UGGT2: variants seen among roughly 807,000 people sequenced by gnomAD.
UGGT2 encodes the protein UDP-glucose:glycoprotein glucosyltransferase 2.
A neutral mutation model predicts 192.1 loss-of-function variants in UGGT2; 180 were observed. That is an observed-to-expected ratio of 0.94 (90% confidence interval 0.83 to 1.06). UGGT2 has a LOEUF of 1.06. UGGT2 is among the 50% of genes least tolerant of loss of function. The pLI is 0.00. For missense variants in UGGT2, 1,849 were observed against 1,795.7 expected, an observed-to-expected ratio of 1.03 and a Z score of -0.54; for synonymous variants, 580 against 591.0, an observed-to-expected ratio of 0.98 and a Z score of 0.27.
chr13:96,001,727 T>C (rs1205655794), intron 5 of UGGT2, among the ~76,000 whole-genome samples: 1 of 152,184 alleles, frequency 6.6e-6, no homozygotes, highest in Non-Finnish European at 1.5e-5. Context: ...AAGAAACAGA[T>C]ATTTTATAGA....
chr13:95,858,431 C>T (rs1295148987), intron 33 of UGGT2, among the ~76,000 whole-genome samples: 5 of 152,004 alleles, frequency 3.3e-5, no homozygotes, highest in Admixed American at 2.6e-4. Flanking sequence ...TCATGCAGGC[C>T]GTTAGCCAAG....
In UGGT2 at chr13:96,031,901, A is replaced by G. The variant is rs779986676; in HGVS notation, c.229T>C (p.Tyr77His). ...FLETVQELAIYKQTESDYSYY... is the reference protein window; with the variant it reads ...FLETVQELAIHKQTESDYSYY... ...ACATATCACCTACCTGTTTGCTTAT[A>G]AATTGCTAATTCTTGCACAGTTTCC... is the stretch of plus-strand genomic sequence containing the variant. The change falls in exon 2 of 39, where the codon TAT becomes CAT. Residue 77 changes from tyrosine to histidine, a missense_variant. Physicochemically the swap from Tyr to His is moderately conservative, Grantham distance 83. Coordinates refer to ENST00000376747, the MANE Select transcript of UGGT2 (RefSeq NM_020121.4). The G allele has an allele frequency of 1.4e-5, 22 of 1,609,752 alleles. No individual in the cohort carries two copies. The highest frequency in any genetic ancestry group is 1.8e-5 in the Non-Finnish European group (21 of 1,178,058).
intron 38 of UGGT2, 151 bp downstream of exon 38, chr13:95,832,776 T>C (rs920943495): frequency 3.4e-5 from 39 of 1,150,826 alleles, no homozygotes; most frequent in Non-Finnish European, 4.7e-5. Context: ...AAGCTTAGTC[T>C]ACACAAAAAT....
intron 4 of UGGT2, among the ~76,000 whole-genome samples, chr13:96,015,770 A>C (rs182819019): frequency 3.1e-4 from 47 of 152,348 alleles, no homozygotes; most frequent in Middle Eastern, 6.8e-3. Context: ...AAATTTAAGA[A>C]AATAACCAAG....
At chr13:95,926,974 C>G (rs2140436526) in intron 19 of UGGT2, 54 bp downstream of exon 19, 1 of 1,467,436 alleles carries the variant, frequency 6.8e-7, no homozygotes. Flanking sequence ...GCCTTATGAA[C>G]ATTACAAGTT....
Position 95,860,810 on chromosome 13 carries a change from G to T in UGGT2, c.3718C>A (p.His1240Asn). Residue 1240 changes from histidine to asparagine, a missense_variant, in exon 32 of 39, where the codon CAT (histidine) becomes AAT (asparagine). Physicochemically the swap from His to Asn is moderately conservative, Grantham distance 68. Transcript: ENST00000376747. The stretch of plus-strand genomic sequence containing the variant: ...TACCTTAAAAAACGTTCATATAAAT[G>T]ACCAGAAGCAACTGAAAAAATGTTT... ...VLNIFSVASGHLYERFLRIMM... is the reference protein window; with the variant it reads ...VLNIFSVASGNLYERFLRIMM... 1.9e-6 allele frequency: 3 copies of T among 1,552,148 alleles called. No homozygotes were observed. Among genetic ancestry groups the T allele is most frequent in the South Asian group, 2.6e-5 (2 of 77,438 alleles).
intron 25 of UGGT2, 33 bp downstream of exon 25, chr13:95,890,829 C>T: frequency 6.5e-7 from 1 of 1,545,712 alleles, no homozygotes; most frequent in South Asian, 1.2e-5. Flanking sequence ...AATTTAAAAA[C>T]AAAAACATTT....
intron 38 of UGGT2, among the ~76,000 whole-genome samples, chr13:95,808,693 A>G (rs890093491): frequency 1.3e-5 from 2 of 152,340 alleles, no homozygotes; most frequent in East Asian, 3.9e-4. Context: ...TCACGTACCA[A>G]TATCTTCACA....
intron 10 of UGGT2, among the ~76,000 whole-genome samples, chr13:95,974,132 G>C (rs77472193): frequency 1.4e-3 from 217 of 152,312 alleles, no homozygotes; most frequent in African/African-American, 4.8e-3. Flanking sequence ...ACACACAGAG[G>C]AGGGAGAAGA....
At chr13:96,047,020 T>C (rs2053334336) in intron 1 of UGGT2, among the ~76,000 whole-genome samples, 1 of 152,206 alleles carries the variant, frequency 6.6e-6, no homozygotes, top group Non-Finnish European at 1.5e-5. Context: ...CCTGCCTGCC[T>C]CTGTAGACTC....
rs374261303 is a variant in UGGT2 at position 96,021,711 on chromosome 13, T to C, written c.485+1329A>G. 8.5e-5 allele frequency among the ~76,000 whole-genome samples: 13 copies of C among 152,302 alleles called. No individual in the cohort carries two copies. In the East Asian group the frequency reaches 1.5e-3, roughly 18 times the overall value. ...AGGTATAATATTTCAAAGTATTTTG[T>C]AATATATTAGTATGTCCAATGAGAA... On this transcript the variant is annotated intron_variant, in intron 4 of 38. Transcript: ENST00000376747.
chr13:96,006,037 A>G (rs1228772919), intron 5 of UGGT2, among the ~76,000 whole-genome samples: 1 of 152,204 alleles, frequency 6.6e-6, no homozygotes, highest in East Asian at 1.9e-4. Flanking sequence ...CGAAAATCAC[A>G]AGATGTCCAA....
chr13:95,940,864 A>T (rs2049654766), intron 15 of UGGT2, among the ~76,000 whole-genome samples: 1 of 152,184 alleles, frequency 6.6e-6, no homozygotes, highest in African/African-American at 2.4e-5. Flanking sequence ...AATAGTTGAG[A>T]CTACAGGCAT....
At chr13:96,015,103 C>A (rs7335247) in intron 4 of UGGT2, among the ~76,000 whole-genome samples, 1 of 151,676 alleles carries the variant, frequency 6.6e-6, no homozygotes, top group Non-Finnish European at 1.5e-5. Context: ...ATGGTGAAAC[C>A]CTGTCTGTAC....
At chr13:95,946,451 C>T (rs1007758300) in intron 15 of UGGT2, among the ~76,000 whole-genome samples, 1 of 152,184 alleles carries the variant, frequency 6.6e-6, no homozygotes, top group Non-Finnish European at 1.5e-5. Flanking sequence ...TCATTGCAGC[C>T]TCAACCTTCT....
intron 38 of UGGT2, among the ~76,000 whole-genome samples, chr13:95,816,612 C>G (rs1489770188): frequency 6.6e-6 from 1 of 152,114 alleles, no homozygotes; most frequent in Non-Finnish European, 1.5e-5. Flanking sequence ...TCTTTGGTTT[C>G]AATTTTGTGA....
At chr13:95,842,494 T>G (rs950528070) in intron 36 of UGGT2, among the ~76,000 whole-genome samples, 3 of 152,196 alleles carry the variant, frequency 2.0e-5, no homozygotes, top group Admixed American at 6.5e-5. Context: ...ATATTTGCAG[T>G]AGGCAGTTTC....
intron 20 of UGGT2, among the ~76,000 whole-genome samples, chr13:95,905,494 C>T (rs1380912661): frequency 3.3e-5 from 5 of 151,670 alleles, no homozygotes; most frequent in Non-Finnish European, 7.4e-5. Context: ...GGAAGGGATC[C>T]AGTTTCAGCT....
intron 30 of UGGT2, among the ~76,000 whole-genome samples, chr13:95,867,019 T>C (rs973005970): frequency 2.0e-5 from 3 of 152,152 alleles, no homozygotes; most frequent in African/African-American, 7.2e-5. Context: ...GCACCTTCTC[T>C]TTTTAGAGCT....
Sources: allele counts gnomAD v4.1 joint callset (sites outside exome capture counted in the v4.1 genomes callset), GRCh38; gene constraint gnomAD v4.1.1; transcripts MANE v1.5; gene names NCBI Gene and HGNC (gene_info 2026-07-23, HGNC 2026-07-21).